The following TAF7 variants were observed in gnomAD, a reference collection of about 807,000 sequenced individuals.
The protein encoded by TAF7 is TATA-box binding protein associated factor 7.
TAF7 carries 9 observed loss-of-function variants against 25.3 expected under a neutral mutation model. The ratio of observed to expected loss-of-function variants is 0.36; its 90% CI spans 0.21 to 0.62. The LOEUF is 0.62. Among genes scored for constraint, TAF7 ranks in the 20% least tolerant of loss-of-function variants. The pLI, the probability that TAF7 is intolerant of heterozygous loss-of-function variation, is 0.72. For synonymous variants in TAF7, 127 were observed against 146.7 expected, an observed-to-expected ratio of 0.87 and a Z score of 0.97; for missense variants, 311 against 410.6, an observed-to-expected ratio of 0.76 and a Z score of 2.10.
At position 141,318,865 on chromosome 5, in the gene TAF7, T is replaced by A. The variant is rs1588432456; in HGVS notation, c.*130A>T. On this transcript the variant is annotated 3_prime_UTR_variant, in exon 1 of 1. Transcript: ENST00000313368. ...GCTGAAAAACAAAATTACAAACAAA[T>A]GAAAGAACTTAACAGAACACACAGC... 15 of 808,702 alleles carry A rather than the reference T, an allele frequency of 1.9e-5. No homozygotes were observed. The East Asian group carries it at 4.4e-4, about 23-fold the overall frequency. The allele number at this position is 808,702 out of a possible 1,614,324, so 50.1% of individuals were successfully genotyped here.
Position 141,319,091 on chromosome 5 carries a change from A to T in TAF7, c.954T>A (p.Phe318Leu). 6.2e-7 allele frequency: 1 copy of T among 1,614,134 alleles called. No homozygotes were observed. The highest frequency in any genetic ancestry group is 1.3e-5 in the African/African-American group (1 of 75,022). Residue 318 changes from phenylalanine to leucine, a missense_variant, in exon 1 of 1, where the codon TTT (phenylalanine) becomes TTA (leucine). Phe to Leu is a conservative substitution (Grantham distance 22). Coordinates refer to ENST00000313368, the MANE Select transcript of TAF7 (RefSeq NM_005642.3). The surrounding 1 kb of genome is among the most constrained non-coding windows in gnomAD (Gnocchi z 5.3). ...GTTTGAGCTCATCCAGTACAGCCTG[A>T]AATCTGTTCTTGAGAGCCAGATTTT... The part of the protein sequence containing the change: ...KVENLALKNR[F>L]QAVLDELKQK...
chr5:141,319,139 T>G lies in TAF7; in HGVS notation c.906A>C (p.Gln302His). The change falls in exon 1 of 1, where the codon CAA (glutamine) becomes CAC (histidine). Residue 302 changes from glutamine (Q) to histidine (H), a missense_variant. This residue lies in a region of TAF7 where 179 missense variants were observed against 206.7 expected (regional missense o/e 0.87). Coordinates refer to ENST00000313368, the MANE Select transcript of TAF7 (RefSeq NM_005642.3). This position sits in a 1 kb window ranked among gnomAD's most constrained non-coding sequence, Gnocchi z 5.3. ...LQETQDRAKR[Q>H]EDLIMKVENL... ...TTTCCACTTTCATGATGAGATCCTC[T>G]TGTCGTTTTGCCCTGTCCTGGGTCT... 6.2e-7 allele frequency: 1 copy of G among 1,614,156 alleles called. No individual in the cohort carries two copies. The highest frequency in any genetic ancestry group is 8.5e-7 in the Non-Finnish European group (1 of 1,180,018).
rs1182891115 is a variant in TAF7 at position 141,319,279 on chromosome 5, G to C, written c.766C>G (p.Gln256Glu). The C allele has an allele frequency of 2.5e-6, 4 of 1,613,854 alleles. No homozygotes were observed. The highest frequency in any genetic ancestry group is 3.4e-6 in the Non-Finnish European group (4 of 1,180,040). Reference protein sequence around the residue: ...IIDTEEDLERQLQDKLNESDE... With the variant: ...IIDTEEDLERELQDKLNESDE... ...GATTCATTTAGCTTGTCCTGTAGCTGTCTCTCCAGATCTTCCTCCGTGTCA... is the reference window on the plus strand; with the variant it reads ...GATTCATTTAGCTTGTCCTGTAGCTCTCTCTCCAGATCTTCCTCCGTGTCA... The change falls in exon 1 of 1, where the codon CAG becomes GAG. Residue 256 changes from glutamine to glutamate, a missense_variant. By Grantham distance (29) the Gln-to-Glu change is conservative. Transcript: ENST00000313368. The surrounding 1 kb of genome is among the most constrained non-coding windows in gnomAD (Gnocchi z 5.3).
At position 141,318,838 on chromosome 5, in the gene TAF7, T is replaced by G; in HGVS notation, c.*157A>C. Reference sequence around the variant, plus strand: ...GAACACCTAGCAAAACAATATAAATTTGCTGAAAAACAAAATTACAAACAA... The same window carrying G: ...GAACACCTAGCAAAACAATATAAATGTGCTGAAAAACAAAATTACAAACAA... On this transcript the variant is annotated 3_prime_UTR_variant, in exon 1 of 1. Transcript: ENST00000313368. The G allele has an allele frequency of 1.5e-6, 1 of 657,890 alleles. No individual in the cohort carries two copies. Among genetic ancestry groups the G allele is most frequent in the Non-Finnish European group, 2.4e-6 (1 of 413,494 alleles). 40.8% of individuals were successfully genotyped at this position (657,890 alleles called of 1,614,324 possible).
Position 141,319,264 on chromosome 5 carries a change from G to T in TAF7, c.781C>A (p.Leu261Ile). The change falls in exon 1 of 1, where the codon CTA becomes ATA. Residue 261 changes from leucine to isoleucine, a missense_variant. Physicochemically the swap from Leu to Ile is conservative, Grantham distance 5 (BLOSUM62 2). Coordinates refer to ENST00000313368, the MANE Select transcript of TAF7 (RefSeq NM_005642.3). This position sits in a 1 kb window ranked among gnomAD's most constrained non-coding sequence, Gnocchi z 5.3. ...TGGTGCTGTTCATCTGATTCATTTAGCTTGTCCTGTAGCTGTCTCTCCAGA... is the reference window on the plus strand; with the variant it reads ...TGGTGCTGTTCATCTGATTCATTTATCTTGTCCTGTAGCTGTCTCTCCAGA... ...EDLERQLQDK[L>I]NESDEQHQEN... 1 of 1,613,942 alleles carries T rather than the reference G, an allele frequency of 6.2e-7. No individual in the cohort carries two copies. The highest frequency in any genetic ancestry group is 8.5e-7 in the Non-Finnish European group (1 of 1,180,020).
chr5:141,320,742 G>C lies in TAF7; in HGVS notation c.-698C>G, dbSNP rs140942166. ...CTCGCATCACCAGACCCCGCACCTCGCCGGCCCTCCGTCCGGGTCGCCTAC... is the reference window on the plus strand; with the variant it reads ...CTCGCATCACCAGACCCCGCACCTCCCCGGCCCTCCGTCCGGGTCGCCTAC... On this transcript the variant is annotated 5_prime_UTR_variant, in exon 1 of 1. Coordinates refer to ENST00000313368, the MANE Select transcript of TAF7 (RefSeq NM_005642.3). 2 of 167,188 alleles carry C rather than the reference G, an allele frequency of 1.2e-5. No individual in the cohort carries two copies. The highest frequency in any genetic ancestry group is 1.9e-4 in the East Asian group (1 of 5,210). 10.4% of individuals were successfully genotyped at this position (167,188 alleles called of 1,614,324 possible).
rs1756125526 is a variant in TAF7 at position 141,319,469 on chromosome 5, T to C, written c.576A>G (p.Ala192=). Reference sequence around the variant, plus strand: ...AAGAGATATCCAGGCCTTGATTTTCTGCCTCCTTTGTTTCATCTTCGGCAA... The same window carrying C: ...AAGAGATATCCAGGCCTTGATTTTCCGCCTCCTTTGTTTCATCTTCGGCAA... The part of the protein sequence containing the change: ...EIIAEDETKE[A]ENQGLDISSP... Residue 192 remains alanine, a synonymous_variant, in exon 1 of 1, where the codon GCA becomes GCG. Coordinates refer to ENST00000313368, the MANE Select transcript of TAF7 (RefSeq NM_005642.3). The surrounding 1 kb of genome is among the most constrained non-coding windows in gnomAD (Gnocchi z 5.3). 1 of 1,614,102 alleles carries C rather than the reference T, an allele frequency of 6.2e-7. No homozygotes were observed. Among genetic ancestry groups the C allele is most frequent in the Admixed American group, 1.7e-5 (1 of 60,006 alleles).
Position 141,320,188 on chromosome 5 carries a change from T to C in TAF7, c.-144A>G. 3 of 725,160 alleles carry C rather than the reference T, an allele frequency of 4.1e-6. No homozygotes were observed. The South Asian group carries it at 5.9e-5, about 14-fold the overall frequency. 44.9% of individuals were successfully genotyped at this position (725,160 alleles called of 1,614,324 possible). A position where few individuals can be genotyped will look rare whatever the true frequency, so the allele number is the denominator to read the frequency against. On this transcript the variant is annotated 5_prime_UTR_variant, in exon 1 of 1. Coordinates refer to ENST00000313368, the MANE Select transcript of TAF7 (RefSeq NM_005642.3). ...TTCTCTGTAGATCAGCAGCTAAGCG[T>C]CTATTTTGCCTTAGTTTTTATTTAA...
In TAF7 at chr5:141,319,889, A is replaced by G; in HGVS notation, c.156T>C (p.Arg52=). The G allele has an allele frequency of 6.2e-7, 1 of 1,614,190 alleles. No homozygotes were observed. The highest frequency in any genetic ancestry group is 1.3e-5 in the African/African-American group (1 of 75,054). Reference sequence around the variant, plus strand: ...CACGGTCCACTCTGACGATTCCATGACGCCCATCAGGATGTAACTCAATTG... The same window carrying G: ...CACGGTCCACTCTGACGATTCCATGGCGCCCATCAGGATGTAACTCAATTG... ...RLTIELHPDG[R]HGIVRVDRVP... is the part of the protein sequence containing the mutation. The change falls in exon 1 of 1, where the codon CGT becomes CGC. Residue 52 remains arginine, a synonymous_variant. Coordinates refer to ENST00000313368, the MANE Select transcript of TAF7 (RefSeq NM_005642.3). This position sits in a 1 kb window ranked among gnomAD's most constrained non-coding sequence, Gnocchi z 5.3.
chr5:141,318,827 A>G lies in TAF7; in HGVS notation c.*168T>C, dbSNP rs1374603020. The G allele has an allele frequency of 6.6e-6, 4 of 604,150 alleles. No homozygotes were observed. Among genetic ancestry groups the G allele is most frequent in the African/African-American group, 1.9e-5 (1 of 53,270 alleles). The allele number at this position is 604,150 out of a possible 1,614,324, so 37.4% of individuals were successfully genotyped here. A position where few individuals can be genotyped will look rare whatever the true frequency, so the allele number is the denominator to read the frequency against. On this transcript the variant is annotated 3_prime_UTR_variant, in exon 1 of 1. Transcript: ENST00000313368. ...TCTTATAGGATGAACACCTAGCAAAACAATATAAATTTGCTGAAAAACAAA... is the reference window on the plus strand; with the variant it reads ...TCTTATAGGATGAACACCTAGCAAAGCAATATAAATTTGCTGAAAAACAAA...
chr5:141,319,346 T>A lies in TAF7; in HGVS notation c.699A>T (p.Glu233Asp). 1.2e-6 allele frequency: 2 copies of A among 1,614,150 alleles called. No individual in the cohort carries two copies. The highest frequency in any genetic ancestry group is 1.7e-6 in the Non-Finnish European group (2 of 1,180,042). Residue 233 changes from glutamate (E) to aspartate (D), a missense_variant, in exon 1 of 1, where the codon GAA becomes GAT. Physicochemically the swap from Glu to Asp is conservative, Grantham distance 45. Coordinates refer to ENST00000313368, the MANE Select transcript of TAF7 (RefSeq NM_005642.3). The surrounding 1 kb of genome is among the most constrained non-coding windows in gnomAD (Gnocchi z 5.3). ...CTTCATCTTGATGCTGGGTCTCATC[T>A]TCATCCTCACTGCTGCTGCTGAGGT... ...FNDLSSSSEDEDETQHQDEED... is the reference protein window; with the variant it reads ...FNDLSSSSEDDDETQHQDEED...
chr5:141,319,290 T>A lies in TAF7; in HGVS notation c.755A>T (p.Asp252Val), dbSNP rs374515539. The A allele has an allele frequency of 2.9e-5, 47 of 1,613,998 alleles. No homozygotes were observed. Among genetic ancestry groups the A allele is most frequent in the Admixed American group, 5.0e-5 (3 of 60,006 alleles). ...EDINIIDTEE[D>V]LERQLQDKLN... ...CTTGTCCTGTAGCTGTCTCTCCAGA[T>A]CTTCCTCCGTGTCAATGATGTTTAT... Residue 252 changes from aspartate to valine, a missense_variant, in exon 1 of 1, where the codon GAT becomes GTT. Around this residue, in one of 3 missense-constraint regions of TAF7, gnomAD observed 179 missense variants for 206.7 expected, o/e 0.87. Coordinates refer to ENST00000313368, the MANE Select transcript of TAF7 (RefSeq NM_005642.3). The surrounding 1 kb of genome is among the most constrained non-coding windows in gnomAD (Gnocchi z 5.3).
In TAF7 at chr5:141,320,171, A is replaced by G. The variant is rs958565993; in HGVS notation, c.-127T>C. 8.6e-6 allele frequency: 7 copies of G among 815,308 alleles called. No individual in the cohort carries two copies. Among genetic ancestry groups the G allele is most frequent in the Non-Finnish European group, 1.3e-5 (7 of 520,114 alleles). The allele number at this position is 815,308 out of a possible 1,614,324, so 50.5% of individuals were successfully genotyped here. On this transcript the variant is annotated 5_prime_UTR_variant, in exon 1 of 1. Coordinates refer to ENST00000313368, the MANE Select transcript of TAF7 (RefSeq NM_005642.3). Reference sequence around the variant, plus strand: ...CTTTTAATTACAAGAAGTTCTCTGTAGATCAGCAGCTAAGCGTCTATTTTG... The same window carrying G: ...CTTTTAATTACAAGAAGTTCTCTGTGGATCAGCAGCTAAGCGTCTATTTTG...
Position 141,320,066 on chromosome 5 carries a change from T to C in TAF7, c.-22A>G. On this transcript the variant is annotated 5_prime_UTR_variant, in exon 1 of 1. Coordinates refer to ENST00000313368, the MANE Select transcript of TAF7 (RefSeq NM_005642.3). ...TCATCTTTATTTCCTTGTGATTCAC[T>C]TCTCCAATAAATGCTGGTTACACTA... 1.3e-6 allele frequency: 2 copies of C among 1,592,660 alleles called. No individual in the cohort carries two copies. Among genetic ancestry groups the C allele is most frequent in the South Asian group, 2.3e-5 (2 of 88,816 alleles).
rs757315892 is a variant in TAF7, at chr5:141,319,849, T to C, written c.196A>G (p.Lys66Glu). Reference sequence around the variant, plus strand: ...ATAACACAGGGCAGGTCTACTAATTTTGAGGCCAATGGAACACGGTCCACT... The same window carrying C: ...ATAACACAGGGCAGGTCTACTAATTCTGAGGCCAATGGAACACGGTCCACT... ...VRVDRVPLAS[K>E]LVDLPCVMES... Residue 66 changes from lysine to glutamate, a missense_variant, in exon 1 of 1, where the codon AAA (lysine) becomes GAA (glutamate). Transcript: ENST00000313368. This position sits in a 1 kb window ranked among gnomAD's most constrained non-coding sequence, Gnocchi z 5.3. 1.2e-6 allele frequency: 2 copies of C among 1,614,030 alleles called. No homozygotes were observed. The highest frequency in any genetic ancestry group is 2.7e-5 in the African/African-American group (2 of 74,910).
Position 141,319,425 on chromosome 5 carries a change from T to C in TAF7, c.620A>G (p.His207Arg). 1 of 1,614,218 alleles carries C rather than the reference T, an allele frequency of 6.2e-7. No homozygotes were observed. Among genetic ancestry groups the C allele is most frequent in the African/African-American group, 1.3e-5 (1 of 75,062 alleles). The stretch of plus-strand genomic sequence containing the variant: ...TTCTAATGAGTCATGGCCCTGCCTG[T>C]GACCAGACATTCCTGGAGAAGAGAT... ...LDISSPGMSG[H>R]RQGHDSLEHD... Residue 207 changes from histidine (H) to arginine (R), a missense_variant, in exon 1 of 1, where the codon CAC becomes CGC. By Grantham distance (29) the His-to-Arg change is conservative. This residue lies in a region of TAF7 where 179 missense variants were observed against 206.7 expected (regional missense o/e 0.87). Transcript: ENST00000313368. This position sits in a 1 kb window ranked among gnomAD's most constrained non-coding sequence, Gnocchi z 5.3.
At position 141,320,132 on chromosome 5, in the gene TAF7, C is replaced by T. The variant is rs1276396665; in HGVS notation, c.-88G>A. On this transcript the variant is annotated 5_prime_UTR_variant, in exon 1 of 1. Coordinates refer to ENST00000313368, the MANE Select transcript of TAF7 (RefSeq NM_005642.3). ...TGCAATAGTTTAAAACACCAGTTTG[C>T]TATGAATTGAAATCTTTTAATTACA... The T allele has an allele frequency of 6.1e-6, 7 of 1,149,052 alleles. No homozygotes were observed. In the East Asian group the frequency reaches 1.5e-4, roughly 25 times the overall value. The allele number at this position is 1,149,052 out of a possible 1,614,324, so 71.2% of individuals were successfully genotyped here.
In TAF7 at chr5:141,319,154, G is replaced by A. The variant is rs146495181; in HGVS notation, c.891C>T (p.Asp297=). Reference sequence around the variant, plus strand: ...TGAGATCCTCTTGTCGTTTTGCCCTGTCCTGGGTCTCTTGGAGCTTGCCTT... The same window carrying A: ...TGAGATCCTCTTGTCGTTTTGCCCTATCCTGGGTCTCTTGGAGCTTGCCTT... ...NMKGKLQETQ[D]RAKRQEDLIM... is the part of the protein sequence containing the mutation. The change falls in exon 1 of 1, where the codon GAC becomes GAT. Residue 297 remains aspartate, a synonymous_variant. Coordinates refer to ENST00000313368, the MANE Select transcript of TAF7 (RefSeq NM_005642.3). The surrounding 1 kb of genome is among the most constrained non-coding windows in gnomAD (Gnocchi z 5.3). The A allele has an allele frequency of 8.4e-5, 136 of 1,614,064 alleles. No homozygotes were observed. The highest frequency in any genetic ancestry group is 1.6e-4 in the Middle Eastern group (1 of 6,062).
Position 141,319,275 on chromosome 5 carries a change from A to G in TAF7, c.770T>C (p.Leu257Pro). Residue 257 changes from leucine (L) to proline (P), a missense_variant, in exon 1 of 1, where the codon CTA (leucine) becomes CCA (proline). Leu to Pro is a moderately conservative substitution (Grantham distance 98). Around this residue, in one of 3 missense-constraint regions of TAF7, gnomAD observed 179 missense variants for 206.7 expected, o/e 0.87. Transcript: ENST00000313368. The surrounding 1 kb of genome is among the most constrained non-coding windows in gnomAD (Gnocchi z 5.3). Reference protein sequence around the residue: ...IDTEEDLERQLQDKLNESDEQ... With the variant: ...IDTEEDLERQPQDKLNESDEQ... ...ATCTGATTCATTTAGCTTGTCCTGT[A>G]GCTGTCTCTCCAGATCTTCCTCCGT... 1.2e-6 allele frequency: 2 copies of G among 1,613,970 alleles called. No individual in the cohort carries two copies. Among genetic ancestry groups the G allele is most frequent in the Non-Finnish European group, 1.7e-6 (2 of 1,180,026 alleles).
Sources: allele counts gnomAD v4.1 joint callset, GRCh38; gene constraint gnomAD v4.1.1; regional missense constraint gnomAD v4.1.1; non-coding constraint Gnocchi (gnomAD v3.1); transcripts MANE v1.5; gene names NCBI Gene and HGNC (gene_info 2026-07-23, HGNC 2026-07-21).